Variants in HIRA observed in about 807,000 individuals in gnomAD.
HIRA encodes the protein histone cell cycle regulator, also known as protein HIRA.
HIRA carries 13 observed loss-of-function variants against 126.6 expected under a neutral mutation model. The ratio of observed to expected loss-of-function variants is 0.10; its 90% CI spans 0.07 to 0.16. The LOEUF is 0.16. Ranked by LOEUF, HIRA falls within the 10% of genes least tolerant of loss-of-function variation. The probability of loss-of-function intolerance (pLI) is 1.00; values close to 1 mark genes in which losing one functional copy is unlikely to be tolerated. For missense variants in HIRA, 834 were observed against 1,314.4 expected (o/e 0.63, Z 5.65); for synonymous variants, 511 against 520.0 (o/e 0.98, Z 0.24).
At chr22:19,356,831 C>A in intron 19 of HIRA, 59 bp downstream of exon 19, 2 of 1,540,470 alleles carry the variant, frequency 1.3e-6, no homozygotes, top group South Asian at 1.1e-5. Context: ...TGAGGTGGGG[C>A]CTACACAGCC....
chr22:19,397,315 G>A (rs1419087233), intron 6 of HIRA, among the ~76,000 whole-genome samples: 1 of 152,156 alleles, frequency 6.6e-6, no homozygotes, highest in African/African-American at 2.4e-5. Context: ...CTGTGGCTGA[G>A]TCTTTTATAA....
chr22:19,408,994 G>A (rs189551515), intron 2 of HIRA, among the ~76,000 whole-genome samples: 113 of 152,240 alleles, frequency 7.4e-4, no homozygotes, highest in Non-Finnish European at 1.4e-3. Flanking sequence ...AATGTCATAA[G>A]ACCTTTTCTG....
At chr22:19,354,665 C>T (rs2238763) in intron 21 of HIRA, among the ~76,000 whole-genome samples, 121,807 of 152,204 alleles carry the variant, frequency 0.8, 49,900 homozygotes, top group Non-Finnish European at 0.88. Context: ...AAGATGCCTA[C>T]AGAGAGTCAA....
chr22:19,372,506 A>G (rs1016396353), intron 15 of HIRA, among the ~76,000 whole-genome samples: 1 of 149,772 alleles, frequency 6.7e-6, no homozygotes, highest in South Asian at 2.1e-4. Flanking sequence ...ATTTGCAAAT[A>G]TTTTCTCCCA....
intron 1 of HIRA, among the ~76,000 whole-genome samples, chr22:19,423,153 G>A (rs2089461376): frequency 6.6e-6 from 1 of 152,100 alleles, no homozygotes; most frequent in Non-Finnish European, 1.5e-5. Flanking sequence ...CAAGGCCTTT[G>A]CTCAAATGTT....
chr22:19,389,023 C>T (rs1447876045), intron 9 of HIRA, among the ~76,000 whole-genome samples: 1 of 152,102 alleles, frequency 6.6e-6, no homozygotes, highest in African/African-American at 2.4e-5. Flanking sequence ...ATCCAAGGCT[C>T]ATTCTACACT....
intron 1 of HIRA, 121 bp from the exon 2 acceptor site, chr22:19,410,899 T>A: frequency 1.2e-6 from 1 of 815,906 alleles, no homozygotes; most frequent in East Asian, 2.5e-5. Flanking sequence ...ATCAGACAAC[T>A]GAAAGTCCAA....
Position 19,331,071 on chromosome 22 carries a change from C to T in HIRA, c.*369G>A. The T allele has an allele frequency of 1.8e-6, 2 of 1,105,296 alleles. No homozygotes were observed. Among genetic ancestry groups the T allele is most frequent in the Non-Finnish European group, 2.3e-6 (2 of 859,040 alleles). The allele number at this position is 1,105,296 out of a possible 1,614,324, so 68.5% of individuals were successfully genotyped here. On this transcript the variant is annotated 3_prime_UTR_variant, in exon 25 of 25. Coordinates refer to ENST00000263208, the MANE Select transcript of HIRA (RefSeq NM_003325.4). ...CTTCCGGATTCTCTCTCACAAATGG[C>T]TCAATCGTCACTGCTGAAGCAGCAT...
intron 23 of HIRA, among the ~76,000 whole-genome samples, chr22:19,352,260 G>A (rs1371781899): frequency 6.6e-6 from 1 of 152,010 alleles, no homozygotes; most frequent in Non-Finnish European, 1.5e-5. Context: ...GGGGCGGAGA[G>A]GAGGTGGGGA....
intron 21 of HIRA, among the ~76,000 whole-genome samples, chr22:19,354,441 T>G (rs2088790444): frequency 6.6e-6 from 1 of 152,192 alleles, no homozygotes; most frequent in African/African-American, 2.4e-5. Context: ...GCTCTGATGC[T>G]CAGCTCAAAC....
chr22:19,353,926 G>A, intron 22 of HIRA, 70 bp downstream of exon 22: 1 of 1,564,006 alleles, frequency 6.4e-7, no homozygotes, highest in Non-Finnish European at 8.7e-7. Flanking sequence ...CAGGGACTGT[G>A]CGTGCACTGA....
At chr22:19,377,598 T>G (rs1467068711) in intron 14 of HIRA, among the ~76,000 whole-genome samples, 1 of 152,134 alleles carries the variant, frequency 6.6e-6, no homozygotes. Flanking sequence ...CTGCAGCACG[T>G]AGCATTTCAC....
chr22:19,402,514 T>C (rs1334451903), intron 5 of HIRA, among the ~76,000 whole-genome samples: 1 of 152,246 alleles, frequency 6.6e-6, no homozygotes, highest in Non-Finnish European at 1.5e-5. Flanking sequence ...AAAATTGTTC[T>C]GTTATGAGGC....
chr22:19,405,500 T>TCAG, intron 5 of HIRA: 2 of 985,414 alleles, frequency 2.0e-6, no homozygotes, highest in South Asian at 9.4e-5. Context: ...CTGATTCTGT[T>TCAG]CAGCAGGACA....
At position 19,359,331 on chromosome 22, in the gene HIRA, C is replaced by A; in HGVS notation, c.2234+5G>T. The A allele has an allele frequency of 6.4e-7, 1 of 1,574,382 alleles. No homozygotes were observed. ...TGGGCCGGCTAAGGACCTGCCCACCCTTACCAGCTGCCCGCAGCAGTGAGG... is the reference window on the plus strand; with the variant it reads ...TGGGCCGGCTAAGGACCTGCCCACCATTACCAGCTGCCCGCAGCAGTGAGG... On this transcript the variant is annotated splice_donor_5th_base_variant and intron_variant, in intron 18 of 24. Coordinates refer to ENST00000263208, the MANE Select transcript of HIRA (RefSeq NM_003325.4).
At chr22:19,414,470 G>C (rs1181334940) in intron 1 of HIRA, among the ~76,000 whole-genome samples, 1 of 152,154 alleles carries the variant, frequency 6.6e-6, no homozygotes, top group Admixed American at 6.5e-5. Flanking sequence ...ACAGACCTTT[G>C]GTTTGGCTCC....
chr22:19,356,789 A>G, intron 19 of HIRA, 101 bp downstream of exon 19: 2 of 1,212,548 alleles, frequency 1.6e-6, no homozygotes, highest in Non-Finnish European at 2.3e-6. Flanking sequence ...CCTGATGGCC[A>G]GCCTTGTCCA....
chr22:19,336,825 C>T (rs1354436105), intron 24 of HIRA, among the ~76,000 whole-genome samples: 1 of 152,184 alleles, frequency 6.6e-6, no homozygotes, highest in African/African-American at 2.4e-5. Context: ...GAATCTCCAT[C>T]CCTAGGGGAA....
intron 1 of HIRA, among the ~76,000 whole-genome samples, chr22:19,425,754 C>T (rs2089483774): frequency 6.6e-6 from 1 of 152,208 alleles, no homozygotes; most frequent in African/African-American, 2.4e-5. Context: ...GAGGCCGAGG[C>T]GGGTGGATCA....
Sources: gnomAD v4.1 joint callset for allele counts (sites outside exome capture counted in the v4.1 genomes callset) on GRCh38, gnomAD v4.1.1 for gene constraint, MANE v1.5 for transcripts, NCBI Gene and HGNC (gene_info 2026-07-23, HGNC 2026-07-21) for gene names.